The following STAU2 variants were observed in gnomAD, a reference collection of about 807,000 sequenced individuals.
The protein encoded by STAU2 is double-stranded RNA-binding protein Staufen homolog 2.
STAU2 carries 20 observed loss-of-function variants against 65.9 expected under a neutral mutation model. That is an observed-to-expected ratio of 0.30 (90% CI 0.21 to 0.44). The LOEUF (loss-of-function observed/expected upper bound fraction) is 0.44, where lower values mean the gene tolerates loss of function less well. STAU2 is among the 20% of genes least tolerant of loss of function. STAU2 has a pLI of 1.00. For synonymous variants in STAU2, 232 were observed against 233.9 expected, an observed-to-expected ratio of 0.99 and a Z score of 0.07; for missense variants, 558 against 683.9, an observed-to-expected ratio of 0.82 and a Z score of 2.05.
chr8:73,520,634 T>C (rs1822991228), intron 13 of STAU2, among the ~76,000 whole-genome samples: 1 of 152,108 alleles, frequency 6.6e-6, no homozygotes, highest in Admixed American at 6.6e-5. Flanking sequence ...GAGGGAAAGA[T>C]AGCTGGAGGG....
At chr8:73,529,016 C>T (rs1344052158) in intron 13 of STAU2, among the ~76,000 whole-genome samples, 1 of 152,110 alleles carries the variant, frequency 6.6e-6, no homozygotes, top group Admixed American at 6.6e-5. Context: ...AGGGAAACTT[C>T]TTCCTGGGAA....
At chr8:73,500,030 A>G (rs1165662890) in intron 13 of STAU2, among the ~76,000 whole-genome samples, 3 of 151,822 alleles carry the variant, frequency 2.0e-5, no homozygotes, top group Non-Finnish European at 2.9e-5. Flanking sequence ...TGAGGTCATC[A>G]CTGAGAGTTC....
rs117620586 is a variant in STAU2 at position 73,432,598 on chromosome 8, C to T, written c.1531-9896G>A. ...GTATATTTCTAAACTTAAAACTTTA[C>T]GATAGGCTCTTCAGTCTATTACATT... On this transcript the variant is annotated intron_variant, in intron 13 of 14. Coordinates refer to ENST00000524300, the MANE Select transcript of STAU2 (RefSeq NM_001164380.2). Among the ~76,000 whole-genome samples, 1,116 of 152,216 alleles carry T rather than the reference C, an allele frequency of 7.3e-3. 7 individuals carry two copies. Among genetic ancestry groups the T allele is most frequent in the Admixed American group, 9.2e-3 (141 of 15,282 alleles).
At chr8:73,573,474 G>A (rs534898682) in intron 12 of STAU2, among the ~76,000 whole-genome samples, 1 of 152,300 alleles carries the variant, frequency 6.6e-6, no homozygotes, top group African/African-American at 2.4e-5. Flanking sequence ...AACAAAGCTG[G>A]AGGCATCATG....
intron 6 of STAU2, among the ~76,000 whole-genome samples, chr8:73,670,888 A>T (rs1817624125): frequency 6.6e-6 from 1 of 152,182 alleles, no homozygotes; most frequent in South Asian, 2.1e-4. Context: ...ATAAGACCAC[A>T]TAAAATTTTA....
rs1563481265 is a variant in STAU2, at chr8:73,649,874, TATATATATATA to T, written c.410+23222_410+23232del. Among the ~76,000 whole-genome samples, 36 of 112,988 alleles carry T rather than the reference TATATATATATA, an allele frequency of 3.2e-4. 1 individual carries two copies. The highest frequency in any genetic ancestry group is 5.4e-4 in the Non-Finnish European group (30 of 55,248). The allele number at this position is 112,988 out of a possible 152,430, so 74.1% of individuals were successfully genotyped here. A position where few individuals can be genotyped will look rare whatever the true frequency, so the allele number is the denominator to read the frequency against. On this transcript the variant is annotated intron_variant, in intron 6 of 14. Transcript: ENST00000524300. ...TATATGTCTTCTATATAATTTTATA[TATATATATATA>T]TATATATATATATATATATATATGG... is the stretch of plus-strand genomic sequence containing the variant.
chr8:73,433,357 A>T (rs933243991), intron 13 of STAU2, among the ~76,000 whole-genome samples: 2 of 151,538 alleles, frequency 1.3e-5, no homozygotes, highest in African/African-American at 2.4e-5. Flanking sequence ...GGCACCCGCC[A>T]CGACACCCAG....
chr8:73,498,634 G>A (rs2383917), intron 13 of STAU2, among the ~76,000 whole-genome samples: 78,473 of 150,838 alleles, frequency 0.52, 20,758 homozygotes, highest in Non-Finnish European at 0.57. Context: ...GACATAAAAA[G>A]AAAATCATAA....
At chr8:73,742,801 G>A (rs1010405106) in intron 1 of STAU2, among the ~76,000 whole-genome samples, 2 of 151,950 alleles carry the variant, frequency 1.3e-5, no homozygotes, top group African/African-American at 2.4e-5. Context: ...GATATAAGTC[G>A]TACTTTAATT....
intron 13 of STAU2, among the ~76,000 whole-genome samples, chr8:73,521,370 T>C (rs1012207457): frequency 6.6e-6 from 1 of 152,212 alleles, no homozygotes; most frequent in African/African-American, 2.4e-5. Flanking sequence ...AAAGGTGATT[T>C]AGCAAATATA....
intron 13 of STAU2, among the ~76,000 whole-genome samples, chr8:73,504,018 A>C (rs1821906371): frequency 6.6e-6 from 1 of 152,152 alleles, no homozygotes; most frequent in Non-Finnish European, 1.5e-5. Flanking sequence ...AACTGATGTC[A>C]ATATTAAAAT....
chr8:73,539,557 T>C (rs1327661629), intron 13 of STAU2, among the ~76,000 whole-genome samples: 2 of 152,032 alleles, frequency 1.3e-5, no homozygotes, highest in African/African-American at 4.8e-5. Flanking sequence ...AATTGTACAA[T>C]CTGGGCCAGG....
intron 12 of STAU2, among the ~76,000 whole-genome samples, chr8:73,572,003 C>G (rs1486657001): frequency 1.3e-5 from 2 of 152,002 alleles, no homozygotes; most frequent in Non-Finnish European, 2.9e-5. Context: ...AGACCGCTAG[C>G]AAGACTAATA....
At chr8:73,687,325 T>A (rs11780546) in intron 5 of STAU2, among the ~76,000 whole-genome samples, 2 of 114,818 alleles carry the variant, frequency 1.7e-5, no homozygotes, top group East Asian at 2.1e-4. Context: ...ATATTTATAT[T>A]TATAAATATA....
At chr8:73,468,292 T>C (rs867106341) in intron 13 of STAU2, among the ~76,000 whole-genome samples, 2 of 152,182 alleles carry the variant, frequency 1.3e-5, no homozygotes, top group Admixed American at 6.5e-5. Flanking sequence ...TTACACCTTA[T>C]ACAAAAATTA....
intron 13 of STAU2, among the ~76,000 whole-genome samples, chr8:73,480,235 C>A (rs1313701003): frequency 6.6e-6 from 1 of 152,152 alleles, no homozygotes; most frequent in Non-Finnish European, 1.5e-5. Flanking sequence ...ATTCCCTGAA[C>A]ATGTCTTCCT....
chr8:73,479,763 T>C (rs1820516087), intron 13 of STAU2, among the ~76,000 whole-genome samples: 1 of 145,868 alleles, frequency 6.9e-6, no homozygotes. Flanking sequence ...AACACTTTAC[T>C]GTGCATTTTG....
intron 12 of STAU2, 58 bp downstream of exon 12, chr8:73,582,712 C>T: frequency 2.0e-6 from 3 of 1,493,138 alleles, no homozygotes; most frequent in East Asian, 4.5e-5. Context: ...CCAGTGACAG[C>T]TAGTCACTGA....
intron 12 of STAU2, among the ~76,000 whole-genome samples, chr8:73,578,768 TA>T (rs1809768315): frequency 1.3e-5 from 2 of 152,204 alleles, no homozygotes; most frequent in African/African-American, 4.8e-5. Context: ...TATTTATGTC[TA>T]AAGAAATAAT....
Sources: allele counts gnomAD v4.1 joint callset (sites outside exome capture counted in the v4.1 genomes callset), GRCh38; gene constraint gnomAD v4.1.1; transcripts MANE v1.5; gene names NCBI Gene and HGNC (gene_info 2026-07-23, HGNC 2026-07-21).